Variants in MEGF9 observed in about 807,000 individuals in gnomAD.
The protein encoded by MEGF9 is multiple epidermal growth factor-like domains protein 9.
Under a neutral mutation model 46.8 loss-of-function variants are expected in MEGF9, and 6 were observed. The ratio of observed to expected loss-of-function variants is 0.13; its 90% CI spans 0.07 to 0.25. The LOEUF (loss-of-function observed/expected upper bound fraction) is 0.25, where lower values mean the gene tolerates loss of function less well. Ranked by LOEUF, MEGF9 falls within the 10% of genes least tolerant of loss-of-function variation. The pLI is 1.00. For missense variants in MEGF9, 683 were observed against 792.4 expected, an observed-to-expected ratio of 0.86 and a Z score of 1.66; for synonymous variants, 302 against 330.7, an observed-to-expected ratio of 0.91 and a Z score of 0.94.
chr9:120,625,853 A>AAAAGAAAG (rs1554795117), intron 2 of MEGF9, among the ~76,000 whole-genome samples: 10,148 of 103,004 alleles, frequency 0.099, 361 homozygotes, highest in Non-Finnish European at 0.14. Context: ...AAAAAAAAAA[A>AAAAGAAAG]AAAGAAAGAA....
chr9:120,625,969 T>C (rs1386780068), intron 2 of MEGF9, among the ~76,000 whole-genome samples: 19 of 151,914 alleles, frequency 1.3e-4, no homozygotes, highest in African/African-American at 4.6e-4. Context: ...AAGACTTGAA[T>C]GCTTTCTGAA....
intron 2 of MEGF9, among the ~76,000 whole-genome samples, chr9:120,650,154 A>T (rs2043643501): frequency 6.6e-6 from 1 of 152,314 alleles, no homozygotes; most frequent in East Asian, 1.9e-4. Context: ...CCGTAATCCC[A>T]GCTACTTGGG....
intron 1 of MEGF9, among the ~76,000 whole-genome samples, chr9:120,693,703 A>C (rs1456786173): frequency 1.3e-5 from 2 of 152,244 alleles, no homozygotes; most frequent in Non-Finnish European, 2.9e-5. Flanking sequence ...TAGGTTGCAA[A>C]GCATTTGTAG....
chr9:120,612,346 T>G, intron 4 of MEGF9, 50 bp downstream of exon 4: 1 of 1,579,274 alleles, frequency 6.3e-7, no homozygotes, highest in South Asian at 1.1e-5. Context: ...TACCTATTGA[T>G]AACTGATTTT....
intron 2 of MEGF9, among the ~76,000 whole-genome samples, chr9:120,650,251 T>C: frequency 6.6e-6 from 1 of 152,204 alleles, no homozygotes; most frequent in East Asian, 1.9e-4. Context: ...TGTCTACATA[T>C]AAAGGCATCC....
intron 2 of MEGF9, among the ~76,000 whole-genome samples, chr9:120,627,506 T>C (rs2043530408): frequency 6.6e-6 from 1 of 152,152 alleles, no homozygotes; most frequent in Non-Finnish European, 1.5e-5. Context: ...GTCACCCAGG[T>C]TGGAGTGGTG....
intron 2 of MEGF9, among the ~76,000 whole-genome samples, chr9:120,655,592 C>T (rs2043673310): frequency 6.6e-6 from 1 of 152,060 alleles, no homozygotes; most frequent in South Asian, 2.1e-4. Flanking sequence ...TCACATATTC[C>T]ACATGAGATA....
chr9:120,677,146 T>C (rs933465865), intron 1 of MEGF9, among the ~76,000 whole-genome samples: 1 of 151,478 alleles, frequency 6.6e-6, no homozygotes, highest in African/African-American at 2.4e-5. Context: ...TGTGTGTGTA[T>C]GTGACCGGAT....
At chr9:120,643,642 T>A (rs560675612) in intron 2 of MEGF9, among the ~76,000 whole-genome samples, 52 of 152,128 alleles carry the variant, frequency 3.4e-4, no homozygotes, top group Non-Finnish European at 6.2e-4. Context: ...TAAAGAGGAG[T>A]TGCAAAGATA....
At chr9:120,667,606 AG>A (rs1203105413) in intron 1 of MEGF9, among the ~76,000 whole-genome samples, 1 of 152,230 alleles carries the variant, frequency 6.6e-6, no homozygotes, top group East Asian at 1.9e-4. Flanking sequence ...TCACAAGCCT[AG>A]GATTGGATCC....
intron 2 of MEGF9, among the ~76,000 whole-genome samples, chr9:120,633,779 G>A (rs1009432561): frequency 6.6e-6 from 1 of 151,996 alleles, no homozygotes; most frequent in African/African-American, 2.4e-5. Flanking sequence ...CCCATAGCAT[G>A]GTATGGGATG....
intron 2 of MEGF9, among the ~76,000 whole-genome samples, chr9:120,657,428 T>G (rs1239084713): frequency 6.6e-6 from 1 of 152,262 alleles, no homozygotes; most frequent in Non-Finnish European, 1.5e-5. Context: ...ATTACTGTTT[T>G]TTCCTCTTTT....
chr9:120,607,109 T>C (rs1430349491), intron 5 of MEGF9, among the ~76,000 whole-genome samples: 1 of 152,196 alleles, frequency 6.6e-6, no homozygotes, highest in African/African-American at 2.4e-5. Flanking sequence ...GTTAAGAATA[T>C]CAAAGAGTGG....
At chr9:120,613,404 G>T (rs1386140888) in intron 3 of MEGF9, among the ~76,000 whole-genome samples, 1 of 151,624 alleles carries the variant, frequency 6.6e-6, no homozygotes, top group East Asian at 1.9e-4. Flanking sequence ...CAACTTTATT[G>T]AAATTTTCTA....
chr9:120,696,723 C>T (rs533953152), intron 1 of MEGF9, among the ~76,000 whole-genome samples: 1 of 152,232 alleles, frequency 6.6e-6, no homozygotes, highest in Admixed American at 6.5e-5. Context: ...AACTTGAGCT[C>T]TATGGGCTGG....
chr9:120,620,895 T>C (rs1303205655), intron 3 of MEGF9, among the ~76,000 whole-genome samples: 3 of 151,872 alleles, frequency 2.0e-5, no homozygotes, highest in Admixed American at 1.3e-4. Context: ...TGTTTTACTA[T>C]AGAGTATTTG....
At chr9:120,631,975 T>A (rs1393338321) in intron 2 of MEGF9, among the ~76,000 whole-genome samples, 1 of 152,032 alleles carries the variant, frequency 6.6e-6, no homozygotes, top group East Asian at 1.9e-4. Flanking sequence ...GTCGCCAGGC[T>A]GGAGTGCAGT....
At chr9:120,686,207 A>G (rs1164135052) in intron 1 of MEGF9, among the ~76,000 whole-genome samples, 1 of 150,616 alleles carries the variant, frequency 6.6e-6, no homozygotes, top group Non-Finnish European at 1.5e-5. Flanking sequence ...CTCCAGCCTC[A>G]GCCTCTCTGA....
chr9:120,605,335 A>C lies in MEGF9; in HGVS notation c.1664T>G (p.Leu555Arg). 6.2e-7 allele frequency: 1 copy of C among 1,614,024 alleles called. No homozygotes were observed. The highest frequency in any genetic ancestry group is 8.5e-7 in the Non-Finnish European group (1 of 1,179,898). ...GCTGAAACTGATATTGTCTTCTTTC[A>C]GCTCGATGGTCCAAAAGGGGGCATT... ...KLNAPFWTIE[L>R]KEDNISFSSY... The change falls in exon 6 of 6, where the codon CTG becomes CGG. Residue 555 changes from leucine (L) to arginine (R), a missense_variant. This residue lies in a region of MEGF9 where 313 missense variants were observed against 421.1 expected (regional missense o/e 0.74). Transcript: ENST00000373930. This position sits in a 1 kb window ranked among gnomAD's most constrained non-coding sequence, Gnocchi z 4.0.
Sources: gnomAD v4.1 joint callset for allele counts (sites outside exome capture counted in the v4.1 genomes callset) on GRCh38, gnomAD v4.1.1 for gene constraint, gnomAD v4.1.1 regional missense constraint, Gnocchi (gnomAD v3.1) non-coding constraint, MANE v1.5 for transcripts, NCBI Gene and HGNC (gene_info 2026-07-23, HGNC 2026-07-21) for gene names.